Variants in ROCK2 observed in about 807,000 individuals in gnomAD.
ROCK2 encodes Rho associated coiled-coil containing protein kinase 2.
A neutral mutation model predicts 195.1 loss-of-function variants in ROCK2; 61 were observed. That is an observed-to-expected ratio of 0.31 (90% CI 0.25 to 0.39). The LOEUF is 0.39. Among genes scored for constraint, ROCK2 ranks in the 10% least tolerant of loss-of-function variants. ROCK2 has a pLI of 1.00. For synonymous variants in ROCK2, 504 were observed against 545.5 expected (o/e 0.92, Z 1.06); for missense variants, 1,109 against 1,637.4 (o/e 0.68, Z 5.57).
intron 1 of ROCK2, among the ~76,000 whole-genome samples, chr2:11,294,296 G>A (rs1333777686): frequency 6.6e-6 from 1 of 152,230 alleles, no homozygotes; most frequent in African/African-American, 2.4e-5. Context: ...TTGTTCTAAT[G>A]GTGATAGTGC....
chr2:11,235,804 G>A lies in ROCK2; in HGVS notation c.621C>T (p.Ser207=), dbSNP rs2148105249. The change falls in exon 5 of 33, where the codon TCC becomes TCT. Residue 207 remains serine, a synonymous_variant. Transcript: ENST00000315872. The surrounding 1 kb of genome is among the most constrained non-coding windows in gnomAD (Gnocchi z 4.2). ...EVVLALDAIH[S]MGLIHRDVKP... ...TCACATCTCTGTGTATTAAACCCATGGAGTGTATTGCATCCAGAGCAAGAA... is the reference window on the plus strand; with the variant it reads ...TCACATCTCTGTGTATTAAACCCATAGAGTGTATTGCATCCAGAGCAAGAA... 1.2e-6 allele frequency: 2 copies of A among 1,613,962 alleles called. No homozygotes were observed. The highest frequency in any genetic ancestry group is 1.7e-6 in the Non-Finnish European group (2 of 1,179,942).
At chr2:11,296,004 A>AGAGGAGAGAGAGAGAGAGG (rs1667514504) in intron 1 of ROCK2, among the ~76,000 whole-genome samples, 19 of 32,818 alleles carry the variant, frequency 5.8e-4, no homozygotes, top group East Asian at 1.5e-3. Context: ...AGAGAGAGAG[A>AGAGGAGAGAGAGAGAGAGG]GGAGAGAGAG....
At chr2:11,216,674 G>C (rs1434303149) in intron 12 of ROCK2, among the ~76,000 whole-genome samples, 1 of 151,622 alleles carries the variant, frequency 6.6e-6, no homozygotes, top group Non-Finnish European at 1.5e-5. Flanking sequence ...TGGGATTACA[G>C]GTGTGAGCCA....
intron 18 of ROCK2, among the ~76,000 whole-genome samples, chr2:11,210,892 GA>G (rs1479226803): frequency 6.6e-6 from 1 of 152,006 alleles, no homozygotes; most frequent in Non-Finnish European, 1.5e-5. Context: ...TTTTTACTAA[GA>G]AAATCTACCA....
intron 1 of ROCK2, chr2:11,308,091 G>A (rs1034167124): frequency 3.1e-5 from 50 of 1,610,454 alleles, no homozygotes; most frequent in African/African-American, 6.7e-5. Context: ...CGCCGACTGC[G>A]ACTCTTGGGG....
intron 20 of ROCK2, among the ~76,000 whole-genome samples, chr2:11,203,500 T>C (rs891299144): frequency 1.3e-5 from 2 of 152,098 alleles, no homozygotes. Flanking sequence ...GTCAAGTATT[T>C]TACAATGGGA....
At position 11,246,186 on chromosome 2, in the gene ROCK2, T is replaced by C. The variant is rs1206766987; in HGVS notation, c.462+3475A>G. ...TATGAAGTAGTCCTATACCGTCCCC[T>C]TCCAAAGTGGAACCTGAATCTGATC... On this transcript the variant is annotated intron_variant, in intron 4 of 32. Transcript: ENST00000315872. Among the ~76,000 whole-genome samples the C allele has an allele frequency of 2.6e-5, 4 of 152,168 alleles. No homozygotes were observed. The East Asian group carries it at 7.7e-4, about 29-fold the overall frequency.
chr2:11,334,565 T>C (rs1668866108), intron 1 of ROCK2, among the ~76,000 whole-genome samples: 1 of 126,750 alleles, frequency 7.9e-6, no homozygotes, highest in Non-Finnish European at 1.8e-5. Context: ...ATTTACAGAA[T>C]AGGAAAACAT....
chr2:11,310,136 TA>T (rs758368419), intron 1 of ROCK2, among the ~76,000 whole-genome samples: 21 of 152,322 alleles, frequency 1.4e-4, no homozygotes, highest in South Asian at 4.1e-4. Context: ...ATCCCTGTAA[TA>T]AATACTGTGT....
chr2:11,221,076 G>A, intron 9 of ROCK2, 122 bp downstream of exon 9: 1 of 611,170 alleles, frequency 1.6e-6, no homozygotes, highest in Non-Finnish European at 2.6e-6. Context: ...TTCTTCTGAT[G>A]ATAGTCCTTT....
intron 17 of ROCK2, among the ~76,000 whole-genome samples, chr2:11,213,293 T>C (rs555532045): frequency 3.8e-4 from 58 of 152,258 alleles, no homozygotes; most frequent in Non-Finnish European, 5.4e-4. Flanking sequence ...TCATCCAATT[T>C]AAAGCCCTTA....
chr2:11,318,521 G>C (rs1370501798), intron 1 of ROCK2, among the ~76,000 whole-genome samples: 2 of 152,100 alleles, frequency 1.3e-5, no homozygotes, highest in Non-Finnish European at 2.9e-5. Context: ...TGTCAGATGA[G>C]TAGATTGCAA....
Position 11,344,094 on chromosome 2 carries a change from C to CG in ROCK2, c.42dup (p.Glu15ArgfsTer42). 6.6e-7 allele frequency: 1 copy of CG among 1,523,270 alleles called. No homozygotes were observed. Among genetic ancestry groups the CG allele is most frequent in the South Asian group, 1.2e-5 (1 of 81,630 alleles). The allele number at this position is 1,523,270 out of a possible 1,614,324, so 94.4% of individuals were successfully genotyped here. On this transcript the variant is annotated frameshift_variant, in exon 1 of 33. Coordinates refer to ENST00000315872, the MANE Select transcript of ROCK2 (RefSeq NM_004850.5). LOFTEE classifies it high-confidence loss of function. This position sits in a 1 kb window ranked among gnomAD's most constrained non-coding sequence, Gnocchi z 5.4. ...CCTGCCCCGTCCCCCGGCGCGGTCT[C>CG]GGGGGCGCCGGGCATTTTCCCCGTC... is the stretch of plus-strand genomic sequence containing the variant.
At chr2:11,261,619 C>A (rs931838841) in intron 3 of ROCK2, among the ~76,000 whole-genome samples, 2 of 152,078 alleles carry the variant, frequency 1.3e-5, no homozygotes, top group Non-Finnish European at 2.9e-5. Flanking sequence ...CAGTTCGAGA[C>A]CAGCCTGACC....
chr2:11,254,872 C>T (rs913688952), intron 3 of ROCK2, among the ~76,000 whole-genome samples: 2 of 150,684 alleles, frequency 1.3e-5, no homozygotes, highest in Non-Finnish European at 3.0e-5. Context: ...AACATTAAAC[C>T]CTAAAAGATC....
At chr2:11,325,965 A>C (rs566890580) in intron 1 of ROCK2, among the ~76,000 whole-genome samples, 1 of 152,338 alleles carries the variant, frequency 6.6e-6, no homozygotes, top group South Asian at 2.1e-4. Context: ...GCCTGATCGA[A>C]GCTAAATGGA....
At chr2:11,211,364 T>C (rs529433599) in intron 18 of ROCK2, among the ~76,000 whole-genome samples, 19 of 152,308 alleles carry the variant, frequency 1.2e-4, no homozygotes, top group African/African-American at 4.6e-4. Context: ...TATTCCTTCT[T>C]ACTACTGATA....
rs1429308656 is a variant in ROCK2, at chr2:11,181,196, ATAT to A, written c.*2238_*2240del. Reference sequence around the variant, plus strand: ...GTTTATTAAAAATATATATATATATATATATATATATATACTCTCCAATTCAGA... The same window carrying A: ...GTTTATTAAAAATATATATATATATAATATATATATACTCTCCAATTCAGA... On this transcript the variant is annotated 3_prime_UTR_variant, in exon 33 of 33. Coordinates refer to ENST00000315872, the MANE Select transcript of ROCK2 (RefSeq NM_004850.5). 1 of 146,942 alleles carries A rather than the reference ATAT, an allele frequency of 6.8e-6. No homozygotes were observed. The highest frequency in any genetic ancestry group is 2.5e-5 in the African/African-American group (1 of 40,636). The allele number at this position is 146,942 out of a possible 1,614,324, so 9.1% of individuals were successfully genotyped here.
intron 32 of ROCK2, among the ~76,000 whole-genome samples, chr2:11,190,421 C>T (rs944453871): frequency 6.6e-6 from 1 of 150,436 alleles, no homozygotes; most frequent in African/African-American, 2.4e-5. Flanking sequence ...TCAAATAGAC[C>T]ATAATGCTGA....
Sources: gnomAD v4.1 joint callset for allele counts (sites outside exome capture counted in the v4.1 genomes callset) on GRCh38, gnomAD v4.1.1 for gene constraint, Gnocchi (gnomAD v3.1) non-coding constraint, MANE v1.5 for transcripts, NCBI Gene and HGNC (gene_info 2026-07-23, HGNC 2026-07-21) for gene names.